The following FYB1 variants were observed in gnomAD, a reference collection of about 807,000 sequenced individuals.
FYB1 encodes FYN-binding protein 1.
Under a neutral mutation model 94.1 loss-of-function variants are expected in FYB1, and 41 were observed. The observed-to-expected ratio is 0.44, with a 90% confidence interval of 0.34 to 0.57. The LOEUF is 0.57. FYB1 is among the 20% of genes least tolerant of loss of function. FYB1 has a pLI of 0.02. For missense variants in FYB1, 1,050 were observed against 976.8 expected, an observed-to-expected ratio of 1.07 and a Z score of -1.00; for synonymous variants, 367 against 353.2, an observed-to-expected ratio of 1.04 and a Z score of -0.44.
upstream of FYB1, among the ~76,000 whole-genome samples, chr5:39,223,552 G>T (rs1714123924): frequency 6.6e-6 from 1 of 152,142 alleles, no homozygotes; most frequent in Admixed American, 6.5e-5. Flanking sequence ...TAAAGTTTTT[G>T]GTCTTAACAT....
intron 2 of FYB1, among the ~76,000 whole-genome samples, chr5:39,154,522 T>C (rs1264933525): frequency 1.3e-5 from 2 of 149,818 alleles, no homozygotes; most frequent in African/African-American, 4.9e-5. Flanking sequence ...TTTTTTTCCT[T>C]GTGAGAGGGA....
At chr5:39,215,511 C>G (rs1468710019) in intron 1 of FYB1, among the ~76,000 whole-genome samples, 1 of 152,164 alleles carries the variant, frequency 6.6e-6, no homozygotes, top group Admixed American at 6.5e-5. Flanking sequence ...CCCTGCTGTG[C>G]TCCTCTCAGG....
intron 2 of FYB1, among the ~76,000 whole-genome samples, chr5:39,194,966 T>TGTGCACCAGGTCCTGGGAGAACGAGC (rs1372603103): frequency 1.2e-4 from 18 of 152,070 alleles, no homozygotes; most frequent in Non-Finnish European, 2.1e-4. Context: ...AGCCACAAAG[T>TGTGCACCAGGTCCTGGGAGAACGAGC]GTGCACCAGG....
chr5:39,143,465 G>C (rs1193389012), intron 3 of FYB1, among the ~76,000 whole-genome samples: 1 of 146,072 alleles, frequency 6.8e-6, no homozygotes, highest in East Asian at 2.2e-4. Context: ...GGAGTGGACT[G>C]TTGCAGTAGT....
chr5:39,182,708 A>C (rs940490463), intron 2 of FYB1, among the ~76,000 whole-genome samples: 7 of 152,202 alleles, frequency 4.6e-5, no homozygotes, highest in Non-Finnish European at 8.8e-5. Context: ...GGTGATGTCA[A>C]ATATATTTAG....
Position 39,105,715 on chromosome 5 carries a change from A to G in FYB1, c.*1728T>C, listed in dbSNP as rs986129942. ...TATTTATTACCAAATTTAATAAACA[A>G]AAACCACTTTTGAACCAGGTAATTT... On this transcript the variant is annotated 3_prime_UTR_variant, in exon 19 of 19. Transcript: ENST00000512982. The G allele has an allele frequency of 6.6e-6, 1 of 152,210 alleles. No homozygotes were observed. Among genetic ancestry groups the G allele is most frequent in the African/African-American group, 2.4e-5 (1 of 41,450 alleles). 9.4% of individuals were successfully genotyped at this position (152,210 alleles called of 1,614,324 possible). A position where few individuals can be genotyped will look rare whatever the true frequency, so the allele number is the denominator to read the frequency against.
intron 16 of FYB1, among the ~76,000 whole-genome samples, chr5:39,118,607 T>C (rs550017035): frequency 1.3e-5 from 2 of 152,324 alleles, no homozygotes; most frequent in East Asian, 1.9e-4. Flanking sequence ...TGATGGTCTG[T>C]AGTACTGCAT....
intron 1 of FYB1, among the ~76,000 whole-genome samples, chr5:39,257,416 A>T (rs1232956905): frequency 2.1e-5 from 3 of 145,526 alleles, no homozygotes; most frequent in East Asian, 4.0e-4. Context: ...GTCTTGCAGA[A>T]TTTTTTTTTT....
At chr5:39,137,537 C>A in intron 7 of FYB1, 63 bp downstream of exon 7, 2 of 1,493,484 alleles carry the variant, frequency 1.3e-6, no homozygotes, top group South Asian at 1.3e-5. Flanking sequence ...AGAATGGTAC[C>A]CCTTTTGTGT....
rs953219081 is a variant in FYB1 at position 39,209,315 on chromosome 5, C to T, written c.-27-6328G>A. ...CAGTGATCTTTTTTATCCCGATTAA[C>T]ACTGTTTAAATATGTTTTTTTTTTT... On this transcript the variant is annotated intron_variant, in intron 1 of 18. Transcript: ENST00000512982. Among the ~76,000 whole-genome samples the T allele has an allele frequency of 2.1e-5, 3 of 142,200 alleles. No homozygotes were observed. In the East Asian group the frequency reaches 6.0e-4, roughly 29 times the overall value. 93.3% of individuals were successfully genotyped at this position (142,200 alleles called of 152,430 possible).
At chr5:39,272,971 GA>G (rs200702223) in intron 1 of FYB1, among the ~76,000 whole-genome samples, 1,960 of 151,560 alleles carry the variant, frequency 0.013, 38 homozygotes, top group African/African-American at 0.045. Flanking sequence ...TTTTGGCTAA[GA>G]AAAAAAAAGA....
At chr5:39,122,598 T>A (rs944459333) in intron 13 of FYB1, among the ~76,000 whole-genome samples, 196 bp from the exon 14 acceptor site, 1 of 152,120 alleles carries the variant, frequency 6.6e-6, no homozygotes, top group African/African-American at 2.4e-5. Context: ...ATGCATGTGT[T>A]AAATTATTCA....
At chr5:39,255,657 C>G (rs1265885539) in intron 1 of FYB1, among the ~76,000 whole-genome samples, 1 of 152,124 alleles carries the variant, frequency 6.6e-6, no homozygotes, top group African/African-American at 2.4e-5. Context: ...CAAACTTTAC[C>G]AAACCTTATC....
intron 7 of FYB1, among the ~76,000 whole-genome samples, chr5:39,136,591 C>A (rs1163333445): frequency 6.6e-6 from 1 of 152,128 alleles, no homozygotes; most frequent in Non-Finnish European, 1.5e-5. Flanking sequence ...GGAGTAGTAT[C>A]ATTTATCCTT....
intron 2 of FYB1, chr5:39,169,757 G>A: frequency 2.1e-6 from 1 of 484,982 alleles, no homozygotes; most frequent in Non-Finnish European, 4.0e-6. Flanking sequence ...TAGGTGTTGG[G>A]ATGTGCTCAG....
At chr5:39,180,370 G>A (rs904083367) in intron 2 of FYB1, among the ~76,000 whole-genome samples, 2 of 152,056 alleles carry the variant, frequency 1.3e-5, no homozygotes, top group Non-Finnish European at 2.9e-5. Flanking sequence ...CTTCACCAGC[G>A]CTTAATTCCT....
chr5:39,212,879 T>A (rs1749539860), intron 1 of FYB1: 1 of 152,208 alleles, frequency 6.6e-6, no homozygotes, highest in Non-Finnish European at 1.5e-5. Flanking sequence ...CATGGATTCA[T>A]TCATTTTCTT....
intron 5 of FYB1, 42 bp downstream of exon 5, chr5:39,139,191 C>A: frequency 1.4e-6 from 2 of 1,419,990 alleles, no homozygotes; most frequent in South Asian, 1.4e-5. Context: ...GTGAAATATT[C>A]TGATTATGTC....
chr5:39,154,074 C>G (rs989599462), intron 2 of FYB1, among the ~76,000 whole-genome samples: 1 of 152,224 alleles, frequency 6.6e-6, no homozygotes, highest in African/African-American at 2.4e-5. Flanking sequence ...GTGTGAGCCA[C>G]TATGCCCGGC....
Sources: allele counts gnomAD v4.1 joint callset (sites outside exome capture counted in the v4.1 genomes callset), GRCh38; gene constraint gnomAD v4.1.1; transcripts MANE v1.5; gene names NCBI Gene and HGNC (gene_info 2026-07-23, HGNC 2026-07-21).